The following CALD1 variants were observed in gnomAD, a reference collection of about 807,000 sequenced individuals.
CALD1 encodes the protein caldesmon.
A neutral mutation model predicts 99.9 loss-of-function variants in CALD1; 33 were observed. The observed-to-expected ratio is 0.33, with a 90% CI of 0.25 to 0.44. The LOEUF (loss-of-function observed/expected upper bound fraction) is 0.44, where lower values mean the gene tolerates loss of function less well. Ranked by LOEUF, CALD1 falls within the 20% of genes least tolerant of loss-of-function variation. The pLI is 1.00. For synonymous variants in CALD1, 310 were observed against 325.0 expected (o/e 0.95, Z 0.50); for missense variants, 861 against 962.1 (o/e 0.89, Z 1.39).
upstream of CALD1, among the ~76,000 whole-genome samples, chr7:134,775,705 C>T (rs973743591): frequency 2.1e-4 from 14 of 65,300 alleles, no homozygotes; most frequent in South Asian, 7.5e-4. Flanking sequence ...AGCGAGACTC[C>T]GTCTCAAAAA....
chr7:134,810,415 T>C (rs569698159), intron 1 of CALD1, among the ~76,000 whole-genome samples: 34 of 152,316 alleles, frequency 2.2e-4, no homozygotes, highest in African/African-American at 7.9e-4. Flanking sequence ...TCATAATTCA[T>C]GTATAAGAAT....
In CALD1 at chr7:134,947,605, G is replaced by C; in HGVS notation, c.1630G>C (p.Gly544Arg). The C allele has an allele frequency of 6.4e-7, 1 of 1,562,590 alleles. No individual in the cohort carries two copies. Among genetic ancestry groups the C allele is most frequent in the African/African-American group, 1.4e-5 (1 of 73,560 alleles). Reference sequence around the variant, plus strand: ...GCTGGAGGAGCTTCGTCGTCGTCGCGGGGAGACCGAGAGCGAAGAGTTCGA... The same window carrying C: ...GCTGGAGGAGCTTCGTCGTCGTCGCCGGGAGACCGAGAGCGAAGAGTTCGA... ...KRLEELRRRR[G>R]ETESEEFEKL... Residue 544 changes from glycine to arginine, a missense_variant, in exon 8 of 15, where the codon GGG becomes CGG. Physicochemically the swap from Gly to Arg is moderately radical, Grantham distance 125. Around this residue, in one of 5 missense-constraint regions of CALD1, gnomAD observed 293 missense variants for 262.7 expected, o/e 1.12. Coordinates refer to ENST00000361675, the MANE Select transcript of CALD1 (RefSeq NM_033138.4).
intron 3 of CALD1, among the ~76,000 whole-genome samples, chr7:134,891,136 A>G (rs1802141449): frequency 6.6e-6 from 1 of 152,204 alleles, no homozygotes; most frequent in Non-Finnish European, 1.5e-5. Flanking sequence ...TACCATGATC[A>G]ACTATTTTCC....
At chr7:134,868,782 G>A (rs1254216202) in intron 3 of CALD1, among the ~76,000 whole-genome samples, 2 of 152,164 alleles carry the variant, frequency 1.3e-5, no homozygotes, top group East Asian at 3.9e-4. Context: ...ATGTCCACAA[G>A]GCACTATGGA....
At chr7:134,801,807 T>C (rs1049842923) in intron 1 of CALD1, among the ~76,000 whole-genome samples, 2 of 152,066 alleles carry the variant, frequency 1.3e-5, no homozygotes, top group Non-Finnish European at 2.9e-5. Context: ...TTTTAAAAGA[T>C]GCTATTTTGC....
chr7:134,954,450 T>C (rs1481856828), intron 9 of CALD1, among the ~76,000 whole-genome samples: 1 of 152,196 alleles, frequency 6.6e-6, no homozygotes, highest in Non-Finnish European at 1.5e-5. Flanking sequence ...AAACAGAACA[T>C]TTAATATACA....
rs1797657575 is a variant in CALD1 at position 134,794,183 on chromosome 7, C to A, written c.-130+14434C>A. Among the ~76,000 whole-genome samples, 3 of 152,240 alleles carry A rather than the reference C, an allele frequency of 2.0e-5. No individual in the cohort carries two copies. In the South Asian group the frequency reaches 6.2e-4, roughly 32 times the overall value. On this transcript the variant is annotated intron_variant, in intron 1 of 14. Transcript: ENST00000361675. Reference sequence around the variant, plus strand: ...TCAGATGAGCCCTGAGTGGACTGTTCACCCCTTCAGCACCTCTACCCAGAG... The same window carrying A: ...TCAGATGAGCCCTGAGTGGACTGTTAACCCCTTCAGCACCTCTACCCAGAG...
chr7:134,933,239 A>G lies in CALD1; in HGVS notation c.470A>G (p.Gln157Arg), dbSNP rs1805673994. 1 of 1,610,050 alleles carries G rather than the reference A, an allele frequency of 6.2e-7. No individual in the cohort carries two copies. The highest frequency in any genetic ancestry group is 1.7e-5 in the Admixed American group (1 of 59,514). Reference sequence around the variant, plus strand: ...AAGGAAGAAAAAAGTGAAAGTCGCCAAGAAAGATACGAGATAGAGGAAACA... The same window carrying G: ...AAGGAAGAAAAAAGTGAAAGTCGCCGAGAAAGATACGAGATAGAGGAAACA... ...TEKEEKSESRQERYEIEETET... is the reference protein window; with the variant it reads ...TEKEEKSESRRERYEIEETET... Residue 157 changes from glutamine to arginine, a missense_variant, in exon 5 of 15, where the codon CAA (glutamine) becomes CGA (arginine). Physicochemically the swap from Gln to Arg is conservative, Grantham distance 43 (BLOSUM62 1). Coordinates refer to ENST00000361675, the MANE Select transcript of CALD1 (RefSeq NM_033138.4).
intron 2 of CALD1, chr7:134,866,872 A>G (rs1479763125): frequency 1.3e-5 from 2 of 152,210 alleles, no homozygotes; most frequent in African/African-American, 4.8e-5. Context: ...CAAAGCAAGG[A>G]CAAAAAGAGC....
chr7:134,931,225 T>C (rs1805499284), intron 4 of CALD1, among the ~76,000 whole-genome samples: 1 of 152,170 alleles, frequency 6.6e-6, no homozygotes, highest in South Asian at 2.1e-4. Flanking sequence ...CTACTGATAA[T>C]TGTGGTCATG....
intron 8 of CALD1, chr7:134,948,128 G>A (rs1161048445): frequency 5.8e-6 from 1 of 172,262 alleles, no homozygotes; most frequent in African/African-American, 2.4e-5. Flanking sequence ...AAGTTAGAAA[G>A]CTGAAAAGGA....
intron 7 of CALD1, among the ~76,000 whole-genome samples, chr7:134,945,322 G>T (rs557063046): frequency 6.6e-6 from 1 of 152,330 alleles, no homozygotes; most frequent in East Asian, 1.9e-4. Flanking sequence ...AGAGACAGAG[G>T]TAGGAAACGC....
At chr7:134,880,764 C>A (rs1801562670) in intron 3 of CALD1, among the ~76,000 whole-genome samples, 1 of 152,204 alleles carries the variant, frequency 6.6e-6, no homozygotes, top group South Asian at 2.1e-4. Context: ...TGACACCTGT[C>A]TTTCCTGCTA....
chr7:134,845,478 G>A (rs1799814811), intron 2 of CALD1, among the ~76,000 whole-genome samples: 1 of 152,182 alleles, frequency 6.6e-6, no homozygotes, highest in Non-Finnish European at 1.5e-5. Flanking sequence ...TAGCAGGAGA[G>A]TTACCTTTCT....
At chr7:134,765,841 A>G (rs891711055) in intron 1 of CALD1, among the ~76,000 whole-genome samples, 7 of 152,106 alleles carry the variant, frequency 4.6e-5, no homozygotes, top group Admixed American at 4.6e-4. Flanking sequence ...AAGTGATTGG[A>G]TCATGGGGAT....
chr7:134,804,693 T>C (rs1798071596), intron 1 of CALD1, among the ~76,000 whole-genome samples: 1 of 152,238 alleles, frequency 6.6e-6, no homozygotes. Flanking sequence ...CTTAATTGTT[T>C]TTAGTATCTT....
At chr7:134,799,423 C>T (rs536734565) in intron 1 of CALD1, among the ~76,000 whole-genome samples, 3 of 152,294 alleles carry the variant, frequency 2.0e-5, no homozygotes, top group South Asian at 2.1e-4. Context: ...TAAGAGCTCA[C>T]GGCTTGGGGT....
intron 1 of CALD1, among the ~76,000 whole-genome samples, chr7:134,823,327 G>A (rs577045812): frequency 6.6e-6 from 1 of 152,292 alleles, no homozygotes; most frequent in East Asian, 1.9e-4. Flanking sequence ...TTAGATGACT[G>A]GTTGTGAAGA....
chr7:134,911,812 T>C (rs1803834273), intron 3 of CALD1, among the ~76,000 whole-genome samples: 1 of 152,186 alleles, frequency 6.6e-6, no homozygotes, highest in African/African-American at 2.4e-5. Context: ...TTGAGAAGGG[T>C]GCTAAAAATG....
Sources: allele counts gnomAD v4.1 joint callset (sites outside exome capture counted in the v4.1 genomes callset), GRCh38; gene constraint gnomAD v4.1.1; regional missense constraint gnomAD v4.1.1; transcripts MANE v1.5; gene names NCBI Gene and HGNC (gene_info 2026-07-23, HGNC 2026-07-21).